C17orf67: variants seen among roughly 807,000 people sequenced by gnomAD.
C17orf67 encodes the protein uncharacterized protein C17orf67.
In C17orf67, 12 loss-of-function variants were observed where a neutral mutation model predicts 11.2. That is an observed-to-expected ratio of 1.07 (90% CI 0.68 to 1.73). The LOEUF is 1.73. Among genes scored for constraint, C17orf67 ranks in the 40% most tolerant of loss-of-function variants. C17orf67 has a pLI of 0.00. For missense variants in C17orf67, 115 were observed against 113.5 expected, an observed-to-expected ratio of 1.01 and a Z score of -0.06; for synonymous variants, 59 against 46.9, an observed-to-expected ratio of 1.26 and a Z score of -1.05.
At chr17:56,810,154 ACACCCCCACCT>A (rs1343243825) in intron 6 of C17orf67, among the ~76,000 whole-genome samples, 1 of 114,190 alleles carries the variant, frequency 8.8e-6, no homozygotes, top group East Asian at 2.8e-4. Flanking sequence ...CACACCCCTC[ACACCCCCACCT>A]CACACACACT....
At chr17:56,819,152 T>C (rs545801662) in intron 4 of C17orf67, among the ~76,000 whole-genome samples, 11 of 152,306 alleles carry the variant, frequency 7.2e-5, no homozygotes, top group African/African-American at 2.2e-4. Flanking sequence ...TTTCCAACCT[T>C]ACTCCAACCA....
rs777218675 is a variant in C17orf67, at chr17:56,814,889, A to G, written c.136T>C (p.Phe46Leu). The change falls in exon 6 of 8, where the codon TTC (phenylalanine) becomes CTC (leucine). Residue 46 changes from phenylalanine (F) to leucine (L), a missense_variant. Physicochemically the swap from Phe to Leu is conservative, Grantham distance 22. Coordinates refer to ENST00000397861, the MANE Select transcript of C17orf67 (RefSeq NM_001085430.4). ...RRQDRPSKPGFPDEPMREYMH... is the reference protein window; with the variant it reads ...RRQDRPSKPGLPDEPMREYMH... ...CTCACCCGCATTGGCTCATCGGGGA[A>G]TCCGGGTTTGCTTGGTCTATCCTGT... 3.1e-6 allele frequency: 5 copies of G among 1,613,676 alleles called. No individual in the cohort carries two copies. The highest frequency in any genetic ancestry group is 2.5e-6 in the Non-Finnish European group (3 of 1,179,758).
chr17:56,795,109 AG>A lies in C17orf67; in HGVS notation c.227del (p.Pro76LeufsTer57). 1.2e-6 allele frequency: 2 copies of A among 1,614,164 alleles called. No individual in the cohort carries two copies. On this transcript the variant is annotated frameshift_variant, in exon 7 of 8. Coordinates refer to ENST00000397861, the MANE Select transcript of C17orf67 (RefSeq NM_001085430.4). LOFTEE classifies it high-confidence loss of function. Reference sequence around the variant, plus strand: ...TCCTGTCACAGTGGGGTTTGCAGTGAGGGTTCAGCCAGTGCTCCAGGAACTG... The same window carrying A: ...TCCTGTCACAGTGGGGTTTGCAGTGAGGTTCAGCCAGTGCTCCAGGAACTG... ...EEQFLEHWLNPHCKPHCDRNR... is the reference protein window; with the variant it reads ...EEQFLEHWLNXHCKPHCDRNR...
intron 2 of C17orf67, among the ~76,000 whole-genome samples, chr17:56,830,198 A>G (rs1016642198): frequency 5.3e-4 from 80 of 151,074 alleles, no homozygotes; most frequent in African/African-American, 1.9e-3. Context: ...AAAAAAAATT[A>G]GCCGGGCGTG....
chr17:56,812,655 A>G (rs1905659878), intron 6 of C17orf67, among the ~76,000 whole-genome samples: 1 of 152,156 alleles, frequency 6.6e-6, no homozygotes. Context: ...CTAATCAGGT[A>G]GGTTCGAGGC....
At chr17:56,795,857 T>A (rs1159867799) in intron 6 of C17orf67, among the ~76,000 whole-genome samples, 1 of 152,206 alleles carries the variant, frequency 6.6e-6, no homozygotes, top group Admixed American at 6.5e-5. Flanking sequence ...TACAACAACA[T>A]AGATGGGTCT....
intron 2 of C17orf67, among the ~76,000 whole-genome samples, chr17:56,828,902 G>A (rs1190938824): frequency 6.6e-6 from 1 of 151,178 alleles, no homozygotes; most frequent in African/African-American, 2.4e-5. Context: ...CTTAGAGGAT[G>A]TCGGTGTATG....
intron 2 of C17orf67, among the ~76,000 whole-genome samples, chr17:56,828,776 T>C (rs1052227): frequency 0.67 from 99,467 of 149,222 alleles, 33,066 homozygotes; most frequent in East Asian, 0.9. Flanking sequence ...CCATGTAACA[T>C]ACGAAAAGCA....
At chr17:56,803,187 A>G (rs1457726837) in intron 6 of C17orf67, among the ~76,000 whole-genome samples, 1 of 152,252 alleles carries the variant, frequency 6.6e-6, no homozygotes, top group African/African-American at 2.4e-5. Flanking sequence ...GCATGTGTGC[A>G]ATTGCTGGTG....
chr17:56,818,970 C>T (rs1905830632), intron 4 of C17orf67, among the ~76,000 whole-genome samples: 1 of 152,198 alleles, frequency 6.6e-6, no homozygotes, highest in Non-Finnish European at 1.5e-5. Flanking sequence ...GTTTCCCTCC[C>T]TGTTCACTTC....
intron 7 of C17orf67, among the ~76,000 whole-genome samples, chr17:56,792,728 TGA>T (rs1347625762): frequency 0.76 from 53 of 70 alleles, 20 homozygotes; most frequent in East Asian, 1. Context: ...GTGGTGATGG[TGA>T]GGTGGTGGTG....
intron 7 of C17orf67, among the ~76,000 whole-genome samples, chr17:56,792,926 GT>G (rs1905142620): frequency 9.4e-6 from 1 of 105,876 alleles, no homozygotes; most frequent in South Asian, 3.2e-4. Flanking sequence ...TGATGATGGT[GT>G]GGGTAATGGT....
chr17:56,830,340 G>A (rs547687992), intron 2 of C17orf67, among the ~76,000 whole-genome samples: 35 of 149,306 alleles, frequency 2.3e-4, no homozygotes, highest in South Asian at 4.2e-4. Context: ...GCGAGACTCC[G>A]TCTCAAAAAA....
intron 6 of C17orf67, among the ~76,000 whole-genome samples, chr17:56,811,632 C>T (rs1231136398): frequency 4.2e-5 from 6 of 141,754 alleles, no homozygotes; most frequent in African/African-American, 1.6e-4. Flanking sequence ...GGCACTCTGG[C>T]TCCACCTCCA....
chr17:56,830,324 G>C (rs1906161621), intron 2 of C17orf67, among the ~76,000 whole-genome samples: 1 of 150,726 alleles, frequency 6.6e-6, no homozygotes, highest in African/African-American at 2.4e-5. Context: ...CAGTCTGGGT[G>C]ACAGAGCGAG....
intron 6 of C17orf67, among the ~76,000 whole-genome samples, chr17:56,814,611 C>G (rs897240802): frequency 6.6e-6 from 1 of 152,154 alleles, no homozygotes; most frequent in Non-Finnish European, 1.5e-5. Context: ...TTCAGCAGCC[C>G]TCTCCAGATT....
intron 7 of C17orf67, 35 bp downstream of exon 7, chr17:56,795,009 T>C (rs768301937): frequency 6.1e-6 from 9 of 1,478,642 alleles, no homozygotes; most frequent in Non-Finnish European, 7.5e-6. Flanking sequence ...CACCACTCCC[T>C]CAGACAGAGG....
intron 4 of C17orf67, among the ~76,000 whole-genome samples, chr17:56,823,905 G>A (rs565549126): frequency 2.0e-5 from 3 of 152,338 alleles, no homozygotes; most frequent in African/African-American, 7.2e-5. Context: ...ATCAGGCCAT[G>A]AAAAGATATG....
At chr17:56,814,567 G>A (rs1427582324) in intron 6 of C17orf67, among the ~76,000 whole-genome samples, 1 of 152,146 alleles carries the variant, frequency 6.6e-6, no homozygotes, top group Non-Finnish European at 1.5e-5. Flanking sequence ...TGGCTAAAGG[G>A]AACAGCTCCC....
Sources: allele counts gnomAD v4.1 joint callset (sites outside exome capture counted in the v4.1 genomes callset), GRCh38; gene constraint gnomAD v4.1.1; transcripts MANE v1.5; gene names NCBI Gene and HGNC (gene_info 2026-07-23, HGNC 2026-07-21).